The following SPIRE1 variants were observed in gnomAD, a reference collection of about 807,000 sequenced individuals.
The protein encoded by SPIRE1 is spire type actin nucleation factor 1, also known as protein spire homolog 1.
SPIRE1 carries 40 observed loss-of-function variants against 94.1 expected under a neutral mutation model. That is an observed-to-expected ratio of 0.43 (90% CI 0.33 to 0.55). The LOEUF is 0.55. Ranked by LOEUF, SPIRE1 falls within the 20% of genes least tolerant of loss-of-function variation. The pLI, the probability that SPIRE1 is intolerant of heterozygous loss-of-function variation, is 0.06. For missense variants in SPIRE1, 838 were observed against 975.2 expected, an observed-to-expected ratio of 0.86 and a Z score of 1.87; for synonymous variants, 376 against 371.7, an observed-to-expected ratio of 1.01 and a Z score of -0.13.
chr18:12,601,827 C>A (rs755513314), intron 2 of SPIRE1, among the ~76,000 whole-genome samples: 4 of 152,106 alleles, frequency 2.6e-5, no homozygotes, highest in Non-Finnish European at 4.4e-5. Context: ...AGATGGTACT[C>A]CATGGCATGG....
At chr18:12,625,166 C>T (rs2037586499) in intron 2 of SPIRE1, among the ~76,000 whole-genome samples, 1 of 152,142 alleles carries the variant, frequency 6.6e-6, no homozygotes, top group Admixed American at 6.5e-5. Flanking sequence ...ATTCATCACA[C>T]TACAATGATC....
chr18:12,658,840 G>C, upstream of SPIRE1: 1 of 319,590 alleles, frequency 3.1e-6, no homozygotes, highest in South Asian at 2.4e-5. Flanking sequence ...AGCTAAACCA[G>C]CGCCTGGAAT....
At chr18:12,476,060 T>G (rs1292694387) in intron 10 of SPIRE1, among the ~76,000 whole-genome samples, 2 of 152,212 alleles carry the variant, frequency 1.3e-5, no homozygotes, top group African/African-American at 2.4e-5. Context: ...GATCTGAAAT[T>G]AGCTAATGTT....
At chr18:12,485,926 C>T (rs555291747) in intron 9 of SPIRE1, 33 bp downstream of exon 9, 15 of 1,500,848 alleles carry the variant, frequency 1.0e-5, no homozygotes, top group African/African-American at 5.6e-5. Context: ...ACAAAACCCA[C>T]GTCAGGTGTA....
intron 1 of SPIRE1, among the ~76,000 whole-genome samples, chr18:12,646,862 T>C (rs966707743): frequency 3.9e-5 from 6 of 152,018 alleles, no homozygotes; most frequent in African/African-American, 9.7e-5. Flanking sequence ...CTGATCAACA[T>C]AGTGAAACTC....
At chr18:12,628,464 G>A (rs2037690799) in intron 2 of SPIRE1, among the ~76,000 whole-genome samples, 1 of 152,196 alleles carries the variant, frequency 6.6e-6, no homozygotes, top group African/African-American at 2.4e-5. Context: ...TTGTAGTATA[G>A]TTTGAAGTCA....
At chr18:12,522,262 G>A (rs1202777376) in intron 4 of SPIRE1, among the ~76,000 whole-genome samples, 1 of 152,152 alleles carries the variant, frequency 6.6e-6, no homozygotes, top group East Asian at 1.9e-4. Context: ...TTAGTGGTCT[G>A]GATAGAAGAT....
intron 10 of SPIRE1, among the ~76,000 whole-genome samples, chr18:12,479,253 C>A (rs2032752223): frequency 6.7e-6 from 1 of 150,094 alleles, no homozygotes; most frequent in Admixed American, 6.7e-5. Context: ...CAGCTCACTG[C>A]AGACTTGAAC....
At chr18:12,645,716 T>C (rs2038206405) in intron 1 of SPIRE1, among the ~76,000 whole-genome samples, 1 of 152,190 alleles carries the variant, frequency 6.6e-6, no homozygotes, top group African/African-American at 2.4e-5. Flanking sequence ...AGCCCCTACA[T>C]TTATCTTTCT....
In SPIRE1 at chr18:12,524,729, G is replaced by A. The variant is rs185390818; in HGVS notation, c.729+10747C>T. Reference sequence around the variant, plus strand: ...TGGCTCATGCATGTAATCTCAGTGCGTTGGGAAGGTAAGGTGGCAGGATCA... The same window carrying A: ...TGGCTCATGCATGTAATCTCAGTGCATTGGGAAGGTAAGGTGGCAGGATCA... On this transcript the variant is annotated intron_variant, in intron 4 of 16. Coordinates refer to ENST00000409402, the MANE Select transcript of SPIRE1 (RefSeq NM_001128626.2). 4.7e-3 allele frequency among the ~76,000 whole-genome samples: 718 copies of A among 152,196 alleles called. 8 individuals carry two copies. The highest frequency in any genetic ancestry group is 7.1e-3 in the Non-Finnish European group (485 of 68,008).
rs2038609868 is a variant in SPIRE1, at chr18:12,658,051, G to A, written c.-185C>T. The A allele has an allele frequency of 1.0e-6, 1 of 991,680 alleles. No homozygotes were observed. Among genetic ancestry groups the A allele is most frequent in the South Asian group, 4.6e-5 (1 of 21,690 alleles). The allele number at this position is 991,680 out of a possible 1,614,324, so 61.4% of individuals were successfully genotyped here. On this transcript the variant is annotated 5_prime_UTR_variant, in exon 1 of 17. Transcript: ENST00000409402. ...GCGTGGGCAAGAGGAGGGCGGCGAG[G>A]ACACGGCTGCAGTCCCGGTCAGACA...
At chr18:12,661,852 T>C (rs2038699619), upstream of SPIRE1, 1 of 159,324 alleles carries the variant, frequency 6.3e-6, no homozygotes, top group Admixed American at 6.3e-5. Context: ...AGTCATTGAT[T>C]GTATTTTTAC....
At chr18:12,492,853 G>T (rs2143861172) in intron 8 of SPIRE1, among the ~76,000 whole-genome samples, 1 of 152,230 alleles carries the variant, frequency 6.6e-6, no homozygotes, top group South Asian at 2.1e-4. Flanking sequence ...ATAGGCGGAA[G>T]GATTTCCCAC....
At chr18:12,638,044 C>T (rs1265081084) in intron 1 of SPIRE1, among the ~76,000 whole-genome samples, 3 of 152,160 alleles carry the variant, frequency 2.0e-5, no homozygotes, top group Admixed American at 1.3e-4. Context: ...GTCTGCCATC[C>T]AAATTCCTGC....
At chr18:12,583,107 G>A (rs181915980) in intron 2 of SPIRE1, among the ~76,000 whole-genome samples, 1 of 152,250 alleles carries the variant, frequency 6.6e-6, no homozygotes, top group African/African-American at 2.4e-5. Flanking sequence ...AAAAATATTG[G>A]ATGAAACATG....
intron 4 of SPIRE1, among the ~76,000 whole-genome samples, chr18:12,530,140 A>C (rs997057706): frequency 6.6e-6 from 1 of 152,188 alleles, no homozygotes; most frequent in African/African-American, 2.4e-5. Flanking sequence ...TGTAAAATCT[A>C]TCTCAAATTT....
intron 2 of SPIRE1, among the ~76,000 whole-genome samples, chr18:12,563,164 G>A (rs1298646416): frequency 6.6e-6 from 1 of 150,636 alleles, no homozygotes; most frequent in Non-Finnish European, 1.5e-5. Flanking sequence ...CACACTCACA[G>A]ATACCCCCAA....
In SPIRE1 at chr18:12,626,011, CAG is replaced by C. The variant is rs1196004464; in HGVS notation, c.372+9049_372+9050del. Among the ~76,000 whole-genome samples, 7 of 150,740 alleles carry C rather than the reference CAG, an allele frequency of 4.6e-5. 1 individual carries two copies. The highest frequency in any genetic ancestry group is 1.0e-4 in the Non-Finnish European group (7 of 67,808). ...CACCACTGCACTCCAGCCTGGACAA[CAG>C]AGAGAGACTCCATTCCCCACACCGC... is the stretch of plus-strand genomic sequence containing the variant. On this transcript the variant is annotated intron_variant, in intron 2 of 16. Transcript: ENST00000409402.
At chr18:12,618,352 G>A (rs1018023914) in intron 2 of SPIRE1, among the ~76,000 whole-genome samples, 2 of 151,878 alleles carry the variant, frequency 1.3e-5, no homozygotes, top group African/African-American at 2.4e-5. Flanking sequence ...CGCCCGCCTC[G>A]GCCTCCCAAA....
Sources: allele counts gnomAD v4.1 joint callset (sites outside exome capture counted in the v4.1 genomes callset), GRCh38; gene constraint gnomAD v4.1.1; transcripts MANE v1.5; gene names NCBI Gene and HGNC (gene_info 2026-07-23, HGNC 2026-07-21).